SLC25A16: variants seen among roughly 807,000 people sequenced by gnomAD.
SLC25A16 encodes the protein mitochondrial coenzyme A transporter SLC25A16.
In SLC25A16, 39 loss-of-function variants were observed where a neutral mutation model predicts 41.5. The ratio of observed to expected loss-of-function variants is 0.94; its 90% CI spans 0.73 to 1.23. The LOEUF is 1.23. Ranked by LOEUF, SLC25A16 falls within the 50% of genes most tolerant of loss-of-function variation. The pLI is 0.00. For missense variants in SLC25A16, 421 were observed against 426.9 expected (o/e 0.99, Z 0.12); for synonymous variants, 146 against 147.8 (o/e 0.99, Z 0.09).
In SLC25A16 at chr10:68,525,087, G is replaced by A. The variant is rs184842345; in HGVS notation, c.130+2159C>T. ...ACAAAAAAAACTTAATACTGCTGCA[G>A]TCTTCAGATATTATCTTTCTACAAA... On this transcript the variant is annotated intron_variant, in intron 1 of 8. Transcript: ENST00000609923. Among the ~76,000 whole-genome samples, 291 of 152,130 alleles carry A rather than the reference G, an allele frequency of 1.9e-3. 1 individual carries two copies. The highest frequency in any genetic ancestry group is 6.5e-3 in the African/African-American group (269 of 41,520).
chr10:68,483,634 G>C, intron 8 of SLC25A16, 46 bp from the exon 9 acceptor site: 1 of 1,459,984 alleles, frequency 6.8e-7, no homozygotes. Flanking sequence ...CACTCATGAA[G>C]AAACAATTTC....
rs111402745 is a variant in SLC25A16 at position 68,516,283 on chromosome 10, C to T, written c.223+468G>A. Among the ~76,000 whole-genome samples, 6 of 152,166 alleles carry T rather than the reference C, an allele frequency of 3.9e-5. 1 individual carries two copies. Among genetic ancestry groups the T allele is most frequent in the African/African-American group, 1.2e-4 (5 of 41,526 alleles). On this transcript the variant is annotated intron_variant, in intron 2 of 8. Transcript: ENST00000609923. The stretch of plus-strand genomic sequence containing the variant: ...TGTGTCCAGTTTCCATTGGCTGGAA[C>T]GGGACCTCACAGCCTGTATTTGTCC...
intron 6 of SLC25A16, 93 bp from the exon 7 acceptor site, chr10:68,488,722 T>C: frequency 9.7e-7 from 1 of 1,028,734 alleles, no homozygotes; most frequent in Non-Finnish European, 1.4e-6. Context: ...ATTTCCTAAT[T>C]TCTGGTGTTT....
intron 2 of SLC25A16, among the ~76,000 whole-genome samples, chr10:68,509,795 T>C (rs909084674): frequency 6.7e-6 from 1 of 149,602 alleles, no homozygotes; most frequent in African/African-American, 2.5e-5. Context: ...ATAGATATAT[T>C]TTTTAAAAAG....
chr10:68,518,257 AAAAT>A (rs1419017594), intron 1 of SLC25A16: 1 of 151,212 alleles, frequency 6.6e-6, no homozygotes, highest in African/African-American at 2.4e-5. Context: ...ATTTCTACTA[AAAAT>A]AAAAAAATTA....
intron 4 of SLC25A16, among the ~76,000 whole-genome samples, chr10:68,499,047 T>C (rs2052796878): frequency 6.6e-6 from 1 of 152,082 alleles, no homozygotes; most frequent in Admixed American, 6.6e-5. Context: ...TTTCAGACTA[T>C]TTTTACAGCA....
intron 2 of SLC25A16, among the ~76,000 whole-genome samples, chr10:68,514,404 G>A (rs1489780522): frequency 4.6e-5 from 7 of 152,108 alleles, no homozygotes; most frequent in South Asian, 2.1e-4. Context: ...GCTGAGGTAG[G>A]AGAATCACTT....
intron 2 of SLC25A16, among the ~76,000 whole-genome samples, chr10:68,508,761 G>A (rs1040109728): frequency 4.6e-5 from 7 of 151,932 alleles, no homozygotes; most frequent in African/African-American, 1.5e-4. Flanking sequence ...TGCTGGAAGC[G>A]GACACAAAGG....
At chr10:68,522,046 C>T (rs993302543) in intron 1 of SLC25A16, among the ~76,000 whole-genome samples, 8 of 151,778 alleles carry the variant, frequency 5.3e-5, no homozygotes, top group South Asian at 4.2e-4. Context: ...ACCTGTAGTC[C>T]CAGCTAATCG....
At chr10:68,513,099 A>C (rs903947056) in intron 2 of SLC25A16, among the ~76,000 whole-genome samples, 19 of 152,024 alleles carry the variant, frequency 1.2e-4, no homozygotes, top group Non-Finnish European at 2.5e-4. Context: ...TAATCCTAGC[A>C]CTTTGGGAGG....
At chr10:68,504,826 A>G (rs1229040778) in intron 3 of SLC25A16, among the ~76,000 whole-genome samples, 1 of 152,060 alleles carries the variant, frequency 6.6e-6, no homozygotes, top group South Asian at 2.1e-4. Flanking sequence ...GATTATAGGC[A>G]TGCGCCACCA....
rs2052468394 is a variant in SLC25A16, at chr10:68,480,068, C to T, written c.*3364G>A. 1 of 151,652 alleles carries T rather than the reference C, an allele frequency of 6.6e-6. No individual in the cohort carries two copies. Among genetic ancestry groups the T allele is most frequent in the Non-Finnish European group, 1.5e-5 (1 of 67,956 alleles). The allele number at this position is 151,652 out of a possible 1,614,324, so 9.4% of individuals were successfully genotyped here. A position where few individuals can be genotyped will look rare whatever the true frequency, so the allele number is the denominator to read the frequency against. ...TATTAAACATATCCAGTAACTTCTC[C>T]ACCTTCTACAGGTAATTACTGAAAA... On this transcript the variant is annotated 3_prime_UTR_variant, in exon 9 of 9. Transcript: ENST00000609923.
rs1203035636 is a variant in SLC25A16, at chr10:68,480,438, T to C, written c.*2994A>G. On this transcript the variant is annotated 3_prime_UTR_variant, in exon 9 of 9. Transcript: ENST00000609923. ...TCTATAACATATAGAATGCAAATTT[T>C]TATTTAAAAGATATTTGCAATCCCC... 1.3e-5 allele frequency: 2 copies of C among 152,004 alleles called. No individual in the cohort carries two copies. Among genetic ancestry groups the C allele is most frequent in the Admixed American group, 6.6e-5 (1 of 15,216 alleles). The allele number at this position is 152,004 out of a possible 1,614,324, so 9.4% of individuals were successfully genotyped here.
chr10:68,489,189 A>C (rs2052615680), intron 6 of SLC25A16, among the ~76,000 whole-genome samples: 1 of 152,108 alleles, frequency 6.6e-6, no homozygotes, highest in East Asian at 1.9e-4. Flanking sequence ...GAATCATTTG[A>C]ACCCAGGAGG....
chr10:68,501,652 T>C (rs547876422), intron 4 of SLC25A16, among the ~76,000 whole-genome samples: 41 of 149,828 alleles, frequency 2.7e-4, no homozygotes, highest in African/African-American at 9.9e-4. Flanking sequence ...ATGGGTGCAG[T>C]AGTGTGTGCC....
At chr10:68,507,440 T>C (rs2052977263) in intron 2 of SLC25A16, among the ~76,000 whole-genome samples, 1 of 152,084 alleles carries the variant, frequency 6.6e-6, no homozygotes, top group Non-Finnish European at 1.5e-5. Context: ...ATACATGTGT[T>C]TTGTTTGTTT....
chr10:68,522,553 T>C (rs1037678911), intron 1 of SLC25A16, among the ~76,000 whole-genome samples: 3 of 152,106 alleles, frequency 2.0e-5, no homozygotes, highest in African/African-American at 4.8e-5. Context: ...CGGTGGCTCA[T>C]GCCTGTAATC....
chr10:68,516,786 A>G lies in SLC25A16; in HGVS notation c.188T>C (p.Leu63Ser). 5 of 1,612,940 alleles carry G rather than the reference A, an allele frequency of 3.1e-6. No homozygotes were observed. Among genetic ancestry groups the G allele is most frequent in the Non-Finnish European group, 4.2e-6 (5 of 1,179,228 alleles). The change falls in exon 2 of 9, where the codon TTA (leucine) becomes TCA (serine). Residue 63 changes from leucine to serine, a missense_variant. Leu to Ser is a moderately radical substitution (Grantham distance 145). Coordinates refer to ENST00000609923, the MANE Select transcript of SLC25A16 (RefSeq NM_152707.4). Reference sequence around the variant, plus strand: ...GTAATGGTGATTGTGAGCTTGTAATAAAACCTTTACTCGATCCAATGGAGC... The same window carrying G: ...GTAATGGTGATTGTGAGCTTGTAATGAAACCTTTACTCGATCCAATGGAGC... ...TVAPLDRVKV[L>S]LQAHNHHYKH...
intron 1 of SLC25A16, among the ~76,000 whole-genome samples, chr10:68,521,682 C>T (rs1488343051): frequency 6.7e-6 from 1 of 149,408 alleles, no homozygotes; most frequent in African/African-American, 2.5e-5. Context: ...CAAGCTCCGC[C>T]TCCCGGGTTC....
Sources: gnomAD v4.1 joint callset for allele counts (sites outside exome capture counted in the v4.1 genomes callset) on GRCh38, gnomAD v4.1.1 for gene constraint, MANE v1.5 for transcripts, NCBI Gene and HGNC (gene_info 2026-07-23, HGNC 2026-07-21) for gene names.